Variants in MAGI2 observed in about 807,000 individuals in gnomAD.
MAGI2 encodes the protein membrane associated guanylate kinase, WW and PDZ domain containing 2.
In MAGI2, 35 loss-of-function variants were observed where a neutral mutation model predicts 133.3. The ratio of observed to expected loss-of-function variants is 0.26; its 90% CI spans 0.20 to 0.35. MAGI2 has a LOEUF of 0.35. Among genes scored for constraint, MAGI2 ranks in the 10% least tolerant of loss-of-function variants. The probability of loss-of-function intolerance (pLI) is 1.00; values close to 1 mark genes in which losing one functional copy is unlikely to be tolerated. For synonymous variants in MAGI2, 729 were observed against 710.6 expected, an observed-to-expected ratio of 1.03 and a Z score of -0.41; for missense variants, 1,636 against 1,863.4, an observed-to-expected ratio of 0.88 and a Z score of 2.25.
chr7:78,571,021 CT>C (rs1801443152), intron 3 of MAGI2, among the ~76,000 whole-genome samples: 1 of 152,134 alleles, frequency 6.6e-6, no homozygotes, highest in Non-Finnish European at 1.5e-5. Flanking sequence ...AATAAAATTG[CT>C]CAAGTTTTTA....
chr7:78,183,687 G>A (rs773485978), intron 13 of MAGI2, among the ~76,000 whole-genome samples: 7 of 151,460 alleles, frequency 4.6e-5, no homozygotes, highest in East Asian at 2.0e-4. Flanking sequence ...GTCTTGTCTC[G>A]GTCTCCCAAG....
At chr7:78,737,782 A>G (rs966915018) in intron 2 of MAGI2, among the ~76,000 whole-genome samples, 3 of 152,106 alleles carry the variant, frequency 2.0e-5, no homozygotes, top group African/African-American at 7.2e-5. Flanking sequence ...AAATATTTCT[A>G]AAGTAGTTGA....
chr7:78,596,920 C>T (rs986208730), intron 3 of MAGI2, among the ~76,000 whole-genome samples: 1 of 152,086 alleles, frequency 6.6e-6, no homozygotes, highest in African/African-American at 2.4e-5. Context: ...AAATTAGCCC[C>T]AGGGAGTTGT....
intron 11 of MAGI2, among the ~76,000 whole-genome samples, chr7:78,199,649 G>A (rs1443928834): frequency 6.6e-6 from 1 of 152,136 alleles, no homozygotes; most frequent in Non-Finnish European, 1.5e-5. Context: ...GTCCTCAAGA[G>A]TTTCTGGTAG....
chr7:79,368,266 G>C (rs1010054872), intron 1 of MAGI2, among the ~76,000 whole-genome samples: 1 of 151,992 alleles, frequency 6.6e-6, no homozygotes, highest in African/African-American at 2.4e-5. Flanking sequence ...AGAACCCCAG[G>C]AATTAGCAGA....
chr7:78,665,826 T>C (rs1018660318), intron 2 of MAGI2, among the ~76,000 whole-genome samples: 2 of 152,180 alleles, frequency 1.3e-5, no homozygotes, highest in Non-Finnish European at 2.9e-5. Context: ...GTTGAACAAC[T>C]ATTATATGCC....
chr7:78,202,399 T>A (rs1378849409), intron 10 of MAGI2, among the ~76,000 whole-genome samples: 1 of 152,052 alleles, frequency 6.6e-6, no homozygotes, highest in African/African-American at 2.4e-5. Flanking sequence ...AGAATTAAAC[T>A]GGGCCGGGTG....
intron 7 of MAGI2, among the ~76,000 whole-genome samples, chr7:78,351,244 T>C (rs866124959): frequency 6.6e-6 from 1 of 151,990 alleles, no homozygotes; most frequent in African/African-American, 2.4e-5. Context: ...TGGTGACCCA[T>C]TTCTGTAACC....
chr7:78,630,817 C>T (rs1808909686), intron 2 of MAGI2, among the ~76,000 whole-genome samples: 1 of 152,116 alleles, frequency 6.6e-6, no homozygotes, highest in South Asian at 2.1e-4. Context: ...AATCTCCTCT[C>T]AAAATTCACA....
chr7:78,576,807 T>G (rs1006873649), intron 3 of MAGI2, among the ~76,000 whole-genome samples: 1 of 152,164 alleles, frequency 6.6e-6, no homozygotes. Context: ...ATGTAAAACT[T>G]TTTTAAATAG....
At chr7:78,243,280 CTCTCTCTT>C (rs753023002) in intron 10 of MAGI2, among the ~76,000 whole-genome samples, 5 of 136,136 alleles carry the variant, frequency 3.7e-5, no homozygotes, top group African/African-American at 1.6e-4. Flanking sequence ...CTCTCTCTCT[CTCTCTCTT>C]ATAAAACAAA....
chr7:78,509,796 C>T (rs188356788), intron 4 of MAGI2, among the ~76,000 whole-genome samples: 141 of 152,288 alleles, frequency 9.3e-4, no homozygotes, highest in Non-Finnish European at 1.9e-3. Context: ...ATATCTTATC[C>T]ATATTTTCAT....
At chr7:78,553,254 C>T (rs957704953) in intron 3 of MAGI2, among the ~76,000 whole-genome samples, 3 of 152,102 alleles carry the variant, frequency 2.0e-5, no homozygotes, top group Non-Finnish European at 2.9e-5. Flanking sequence ...TAAGCATTTT[C>T]GTAGCTTTAT....
chr7:78,027,720 T>G (rs7804046), intron 21 of MAGI2, among the ~76,000 whole-genome samples: 29,802 of 151,876 alleles, frequency 0.2, 4,191 homozygotes, highest in East Asian at 0.64. Context: ...GGGATAGTAC[T>G]ATCTACTTAA....
At chr7:78,241,747 A>G (rs1361741451) in intron 10 of MAGI2, among the ~76,000 whole-genome samples, 1 of 152,046 alleles carries the variant, frequency 6.6e-6, no homozygotes. Flanking sequence ...AGCCTGGCCA[A>G]CATGGTGAAA....
chr7:78,360,976 T>C (rs1447883616), intron 7 of MAGI2, among the ~76,000 whole-genome samples: 4 of 152,198 alleles, frequency 2.6e-5, no homozygotes, highest in Non-Finnish European at 5.9e-5. Context: ...GTCTGTGTAC[T>C]GCACACTGTT....
intron 4 of MAGI2, among the ~76,000 whole-genome samples, chr7:78,502,256 T>G (rs942203595): frequency 2.0e-5 from 3 of 152,198 alleles, no homozygotes; most frequent in Non-Finnish European, 2.9e-5. Flanking sequence ...GTGAAAAAAG[T>G]CAGCAGAAAA....
chr7:78,492,227 C>T (rs1584380721), intron 5 of MAGI2, among the ~76,000 whole-genome samples: 1 of 152,032 alleles, frequency 6.6e-6, no homozygotes, highest in African/African-American at 2.4e-5. Context: ...TTATATAAAG[C>T]ATTTCATTAC....
At chr7:79,255,386 G>A (rs1460925714) in intron 1 of MAGI2, among the ~76,000 whole-genome samples, 3 of 152,136 alleles carry the variant, frequency 2.0e-5, no homozygotes, top group Non-Finnish European at 2.9e-5. Context: ...CTGTGGTTTC[G>A]CATGAAGTGT....
Sources: allele counts gnomAD v4.1 joint callset (sites outside exome capture counted in the v4.1 genomes callset), GRCh38; gene constraint gnomAD v4.1.1; transcripts MANE v1.5; gene names NCBI Gene and HGNC (gene_info 2026-07-23, HGNC 2026-07-21).